The following CUX2 variants were observed in gnomAD, a reference collection of about 807,000 sequenced individuals.
CUX2 encodes the protein homeobox protein cut-like 2.
CUX2 carries 40 observed loss-of-function variants against 144.8 expected under a neutral mutation model. That is an observed-to-expected ratio of 0.28 (90% CI 0.21 to 0.36). The LOEUF (loss-of-function observed/expected upper bound fraction) is 0.36. Ranked by LOEUF, CUX2 falls within the 10% of genes least tolerant of loss-of-function variation. CUX2 has a pLI of 1.00. For synonymous variants in CUX2, 827 were observed against 875.6 expected, an observed-to-expected ratio of 0.94 and a Z score of 0.98; for missense variants, 1,615 against 1,994.0, an observed-to-expected ratio of 0.81 and a Z score of 3.62.
At chr12:111,319,562 C>A (rs1216768771) in intron 16 of CUX2, among the ~76,000 whole-genome samples, 3 of 152,032 alleles carry the variant, frequency 2.0e-5, no homozygotes, top group Non-Finnish European at 4.4e-5. Flanking sequence ...CATGGCAAAA[C>A]CCTGTCTCTA....
intron 1 of CUX2, among the ~76,000 whole-genome samples, chr12:111,211,227 G>A (rs1215832591): frequency 6.6e-6 from 1 of 152,216 alleles, no homozygotes; most frequent in Non-Finnish European, 1.5e-5. Context: ...AAATTGAGAA[G>A]AACGTGGATG....
intron 1 of CUX2, among the ~76,000 whole-genome samples, chr12:111,088,868 C>T (rs545363010): frequency 6.6e-5 from 10 of 152,280 alleles, no homozygotes; most frequent in South Asian, 2.1e-4. Context: ...ATGGTACCCC[C>T]GTCTGACGAG....
Position 111,320,630 on chromosome 12 carries a change from G to T in CUX2, c.2621G>T (p.Arg874Leu). 7 of 1,591,780 alleles carry T rather than the reference G, an allele frequency of 4.4e-6. No homozygotes were observed. The highest frequency in any genetic ancestry group is 5.1e-6 in the Non-Finnish European group (6 of 1,176,886). Residue 874 changes from arginine to leucine, a missense_variant, in exon 17 of 22, where the codon CGC (arginine) becomes CTC (leucine). Transcript: ENST00000261726. The surrounding 1 kb of genome is among the most constrained non-coding windows in gnomAD (Gnocchi z 8.1). ...RLPYYPAYVP[R>L]TLKPTVPPLT... ...CCCTACTACCCGGCCTACGTGCCGC[G>T]CACCCTGAAGCCCACCGTGCCGCCG...
intron 1 of CUX2, among the ~76,000 whole-genome samples, chr12:111,067,309 G>GTCTC (rs1338937422): frequency 6.6e-6 from 1 of 152,180 alleles, no homozygotes; most frequent in Admixed American, 6.5e-5. Flanking sequence ...GCTGGAGCAG[G>GTCTC]TCTCTGTTGT....
chr12:111,186,661 T>A lies in CUX2; in HGVS notation c.64-27539T>A, dbSNP rs1879552052. ...CCGCCATCTGCCAGCTGTGTGACCT[T>A]GTATGACCTTGCCACTCTGAGCCTC... On this transcript the variant is annotated intron_variant, in intron 1 of 21. Transcript: ENST00000261726. The surrounding 1 kb of genome is among the most constrained non-coding windows in gnomAD (Gnocchi z 4.4). 6.6e-6 allele frequency among the ~76,000 whole-genome samples: 1 copy of A among 152,224 alleles called. No homozygotes were observed.
At chr12:111,122,135 G>A (rs536690649) in intron 1 of CUX2, among the ~76,000 whole-genome samples, 1 of 152,120 alleles carries the variant, frequency 6.6e-6, no homozygotes, top group Non-Finnish European at 1.5e-5. Flanking sequence ...CCTTTCACGA[G>A]AACTCTTGAA....
At chr12:111,328,972 T>TCTCTCTCC (rs1198113973) in intron 18 of CUX2, among the ~76,000 whole-genome samples, 304 of 80,000 alleles carry the variant, frequency 3.8e-3, no homozygotes, top group Non-Finnish European at 4.7e-3. Context: ...TCTCTCTCTC[T>TCTCTCTCC]CTCCCCCTCT....
intron 3 of CUX2, among the ~76,000 whole-genome samples, chr12:111,262,450 C>A (rs1884176016): frequency 6.7e-6 from 1 of 150,352 alleles, no homozygotes; most frequent in Non-Finnish European, 1.5e-5. Context: ...GCAATCATAG[C>A]TCATGGCAGC....
At chr12:111,206,178 A>C (rs1242706664) in intron 1 of CUX2, among the ~76,000 whole-genome samples, 2 of 152,194 alleles carry the variant, frequency 1.3e-5, no homozygotes, top group Non-Finnish European at 1.5e-5. Flanking sequence ...TTTACAAAAA[A>C]TAAATTAGCT....
chr12:111,151,993 G>A (rs756910376), intron 1 of CUX2, among the ~76,000 whole-genome samples: 1 of 152,178 alleles, frequency 6.6e-6, no homozygotes, highest in Non-Finnish European at 1.5e-5. Context: ...AAAGGTTTAA[G>A]AAAGACTCAA....
chr12:111,214,164 T>G, intron 1 of CUX2, 36 bp from the exon 2 acceptor site: 1 of 1,242,128 alleles, frequency 8.1e-7, no homozygotes, highest in South Asian at 1.5e-5. Flanking sequence ...TTTTCTTTTC[T>G]CTCTCTCTCT....
At chr12:111,140,969 C>T (rs941458968) in intron 1 of CUX2, among the ~76,000 whole-genome samples, 6 of 152,052 alleles carry the variant, frequency 3.9e-5, no homozygotes, top group Admixed American at 3.9e-4. Context: ...TTTTTAGTGT[C>T]GTTCTGAAGA....
intron 16 of CUX2, among the ~76,000 whole-genome samples, chr12:111,318,589 T>A (rs1466780628): frequency 6.9e-6 from 1 of 144,086 alleles, no homozygotes; most frequent in Non-Finnish European, 1.5e-5. Flanking sequence ...CAAGACCACA[T>A]CTCTTTTTTT....
intron 1 of CUX2, among the ~76,000 whole-genome samples, chr12:111,183,088 C>A (rs761643026): frequency 8.5e-5 from 13 of 152,344 alleles, no homozygotes; most frequent in South Asian, 4.1e-4. Context: ...TGTCCAAGGT[C>A]ACACAGCTAA....
At chr12:111,124,873 T>C (rs1237662860) in intron 1 of CUX2, among the ~76,000 whole-genome samples, 1 of 152,220 alleles carries the variant, frequency 6.6e-6, no homozygotes, top group African/African-American at 2.4e-5. Context: ...AGCTCCCACA[T>C]ACAGGTGAGA....
rs1007262582 is a variant in CUX2, at chr12:111,320,900, C to T, written c.2766+125C>T. 2.0e-5 allele frequency: 21 copies of T among 1,051,178 alleles called. No homozygotes were observed. Among genetic ancestry groups the T allele is most frequent in the Non-Finnish European group, 2.6e-5 (20 of 781,394 alleles). The allele number at this position is 1,051,178 out of a possible 1,614,324, so 65.1% of individuals were successfully genotyped here. ...GCCCTTCATTCCTGAGTCCTGCTGT[C>T]CCTGGGTCCCGCAGGAAGGAGGGCC... On this transcript the variant is annotated intron_variant, in intron 17 of 21. Transcript: ENST00000261726. This position sits in a 1 kb window ranked among gnomAD's most constrained non-coding sequence, Gnocchi z 8.1.
At chr12:111,242,452 G>T (rs1055791006) in intron 3 of CUX2, among the ~76,000 whole-genome samples, 2 of 152,206 alleles carry the variant, frequency 1.3e-5, no homozygotes, top group African/African-American at 4.8e-5. Context: ...AGATCAGGTG[G>T]CCTGAAAAGC....
Position 111,099,812 on chromosome 12 carries a change from C to A in CUX2, c.63+65572C>A, listed in dbSNP as rs552594312. On this transcript the variant is annotated intron_variant, in intron 1 of 21. Transcript: ENST00000261726. ...CATCATTCAGAGTGACCCTCTGTCC[C>A]CTCCATGCCCAGCGGGGCCGATGGG... 3.5e-4 allele frequency: 148 copies of A among 419,046 alleles called. 2 individuals are homozygous for A. The Middle Eastern group carries it at 3.9e-3, about 11-fold the overall frequency. 26.0% of individuals were successfully genotyped at this position (419,046 alleles called of 1,614,324 possible). A position where few individuals can be genotyped will look rare whatever the true frequency, so the allele number is the denominator to read the frequency against.
rs1319390092 is a variant in CUX2, at chr12:111,320,084, C to A, written c.2075C>A (p.Ala692Asp). 9.6e-6 allele frequency: 15 copies of A among 1,556,354 alleles called. No individual in the cohort carries two copies. The highest frequency in any genetic ancestry group is 1.9e-5 in the Admixed American group (1 of 51,556). ...ACCCCCGCCAGCACCTCGGAGGACG[C>A]CATCAAGAGCATCCTGGAGCAGGCA... Reference protein sequence around the residue: ...GTTPASTSEDAIKSILEQARR... With the variant: ...GTTPASTSEDDIKSILEQARR... Residue 692 changes from alanine to aspartate, a missense_variant, in exon 17 of 22, where the codon GCC (alanine) becomes GAC (aspartate). Coordinates refer to ENST00000261726, the MANE Select transcript of CUX2 (RefSeq NM_015267.4). The surrounding 1 kb of genome is among the most constrained non-coding windows in gnomAD (Gnocchi z 8.1).
Sources: gnomAD v4.1 joint callset for allele counts (sites outside exome capture counted in the v4.1 genomes callset) on GRCh38, gnomAD v4.1.1 for gene constraint, Gnocchi (gnomAD v3.1) non-coding constraint, MANE v1.5 for transcripts, NCBI Gene and HGNC (gene_info 2026-07-23, HGNC 2026-07-21) for gene names.